Variants in CDC73 observed in about 807,000 individuals in gnomAD.
CDC73 encodes the protein cell division cycle 73, also known as parafibromin.
CDC73 carries 21 observed loss-of-function variants against 83.7 expected under a neutral mutation model. The ratio of observed to expected loss-of-function variants is 0.25; its 90% CI spans 0.18 to 0.36. CDC73 has a LOEUF of 0.36. Ranked by LOEUF, CDC73 falls within the 10% of genes least tolerant of loss-of-function variation. CDC73 has a pLI of 1.00. For missense variants in CDC73, 342 were observed against 653.3 expected (o/e 0.52, Z 5.19); for synonymous variants, 224 against 212.9 (o/e 1.05, Z -0.45).
intron 13 of CDC73, among the ~76,000 whole-genome samples, chr1:193,225,778 A>C (rs1677556890): frequency 6.6e-6 from 1 of 150,472 alleles, no homozygotes; most frequent in Admixed American, 6.6e-5. Context: ...TGCTAATTTG[A>C]GTTTGAGGTA....
At chr1:193,189,780 A>G (rs868049324) in intron 10 of CDC73, among the ~76,000 whole-genome samples, 4 of 152,332 alleles carry the variant, frequency 2.6e-5, no homozygotes, top group Non-Finnish European at 4.4e-5. Context: ...TTTTGTATTC[A>G]TGTAGTTAAT....
intron 11 of CDC73, among the ~76,000 whole-genome samples, chr1:193,204,245 A>ATGTG (rs1677144380): frequency 7.4e-6 from 1 of 135,540 alleles, no homozygotes; most frequent in African/African-American, 2.9e-5. Flanking sequence ...ACACGTATAT[A>ATGTG]TATGTGTATG....
intron 15 of CDC73, among the ~76,000 whole-genome samples, chr1:193,242,450 T>C (rs757330171): frequency 8.5e-5 from 13 of 152,210 alleles, no homozygotes; most frequent in Non-Finnish European, 1.6e-4. Context: ...TTCCTTGCCT[T>C]AGGTGTTTCT....
At chr1:193,235,483 ATGT>A (rs1184236684) in intron 14 of CDC73, among the ~76,000 whole-genome samples, 2 of 152,266 alleles carry the variant, frequency 1.3e-5, no homozygotes, top group South Asian at 2.1e-4. Context: ...ATTGCTGATA[ATGT>A]TGTTGTTTTG....
chr1:193,180,934 C>T, intron 10 of CDC73: 2 of 1,613,600 alleles, frequency 1.2e-6, no homozygotes, highest in Non-Finnish European at 1.7e-6. Context: ...ATGATATTGT[C>T]TGCTTTCTTC....
chr1:193,158,960 T>C (rs1159246505), intron 10 of CDC73, among the ~76,000 whole-genome samples: 2 of 152,186 alleles, frequency 1.3e-5, no homozygotes, highest in Non-Finnish European at 2.9e-5. Context: ...GTATACAGTT[T>C]TTTGTTAGAT....
chr1:193,140,590 C>T, intron 6 of CDC73, among the ~76,000 whole-genome samples: 1 of 152,128 alleles, frequency 6.6e-6, no homozygotes, highest in East Asian at 1.9e-4. Flanking sequence ...GCTACTTGAA[C>T]ATAAGTACTT....
chr1:193,250,612 T>G, intron 16 of CDC73, 64 bp from the exon 17 acceptor site: 1 of 1,132,442 alleles, frequency 8.8e-7, no homozygotes, highest in Admixed American at 1.8e-5. Flanking sequence ...TGTTTTTACA[T>G]GCATTATTCT....
At position 193,253,398 on chromosome 1, in the gene CDC73, G is replaced by GT. The variant is rs1048617160; in HGVS notation, c.*2691dup. ...TCCTTCTTTTCTGTATGTATGTGTGGTTTTTGATTTTTTGTTGTTGTTGTT... is the reference window on the plus strand; with the variant it reads ...TCCTTCTTTTCTGTATGTATGTGTGGTTTTTTGATTTTTTGTTGTTGTTGTT... On this transcript the variant is annotated 3_prime_UTR_variant, in exon 17 of 17. Transcript: ENST00000367435. 3.9e-5 allele frequency: 9 copies of GT among 232,230 alleles called. No homozygotes were observed. Among genetic ancestry groups the GT allele is most frequent in the Admixed American group, 2.8e-4 (5 of 17,728 alleles). 14.4% of individuals were successfully genotyped at this position (232,230 alleles called of 1,614,324 possible).
chr1:193,228,035 A>G lies in CDC73; in HGVS notation c.1155-4958A>G, dbSNP rs576097696. ...ATACATTTGACAGTTGACCTAGGGTAGCTGAATTGATAGTGCTGTAATATA... is the reference window on the plus strand; with the variant it reads ...ATACATTTGACAGTTGACCTAGGGTGGCTGAATTGATAGTGCTGTAATATA... On this transcript the variant is annotated intron_variant, in intron 13 of 16. Transcript: ENST00000367435. Among the ~76,000 whole-genome samples, 5 of 152,326 alleles carry G rather than the reference A, an allele frequency of 3.3e-5. 1 individual carries two copies. In the South Asian group the frequency reaches 8.3e-4, roughly 25 times the overall value.
chr1:193,183,620 G>A (rs1676756304), intron 10 of CDC73, among the ~76,000 whole-genome samples: 1 of 150,576 alleles, frequency 6.6e-6, no homozygotes, highest in Admixed American at 6.6e-5. Flanking sequence ...TTTAGACCAG[G>A]GAACTATTTT....
At chr1:193,166,364 G>A (rs1015480930) in intron 10 of CDC73, among the ~76,000 whole-genome samples, 1 of 152,038 alleles carries the variant, frequency 6.6e-6, no homozygotes, top group East Asian at 1.9e-4. Flanking sequence ...TGTGTTGCCC[G>A]GGCTGGTCTC....
At chr1:193,135,040 ATGTGTGTG>A (rs980861142) in intron 3 of CDC73, among the ~76,000 whole-genome samples, 5 of 73,530 alleles carry the variant, frequency 6.8e-5, no homozygotes, top group South Asian at 2.3e-3. Flanking sequence ...GTCCATATAT[ATGTGTGTG>A]TATGTGTGTG....
At chr1:193,226,005 C>A (rs1558317365) in intron 13 of CDC73, among the ~76,000 whole-genome samples, 1 of 152,098 alleles carries the variant, frequency 6.6e-6, no homozygotes, top group East Asian at 1.9e-4. Flanking sequence ...AGGGTTTTTC[C>A]TGTGTTATCT....
At chr1:193,195,822 A>G (rs1676993805) in intron 10 of CDC73, among the ~76,000 whole-genome samples, 1 of 152,152 alleles carries the variant, frequency 6.6e-6, no homozygotes, top group Admixed American at 6.5e-5. Context: ...TACCTATTCA[A>G]ATCCTTTGCC....
chr1:193,232,266 T>C (rs371404803), intron 13 of CDC73, among the ~76,000 whole-genome samples: 4 of 152,172 alleles, frequency 2.6e-5, no homozygotes, highest in East Asian at 3.8e-4. Flanking sequence ...ATGAAGCTCC[T>C]GGATAGGCTA....
At chr1:193,228,973 A>G (rs550348270) in intron 13 of CDC73, among the ~76,000 whole-genome samples, 8 of 152,178 alleles carry the variant, frequency 5.3e-5, no homozygotes, top group African/African-American at 1.7e-4. Flanking sequence ...ACTCCACAAA[A>G]CAAGGTATAC....
intron 6 of CDC73, 96 bp downstream of exon 6, chr1:193,138,269 C>T: frequency 1.2e-6 from 1 of 853,490 alleles, no homozygotes; most frequent in Non-Finnish European, 2.0e-6. Flanking sequence ...TTACATTTAC[C>T]TCTTGGATTC....
chr1:193,187,112 C>CCCCCCCCCT (rs1553285126), intron 10 of CDC73, among the ~76,000 whole-genome samples: 1 of 113,520 alleles, frequency 8.8e-6, no homozygotes, highest in Non-Finnish European at 2.0e-5. Flanking sequence ...TCCCCCCCCC[C>CCCCCCCCCT]GTTTTCTGGG....
Sources: gnomAD v4.1 joint callset for allele counts (sites outside exome capture counted in the v4.1 genomes callset) on GRCh38, gnomAD v4.1.1 for gene constraint, MANE v1.5 for transcripts, NCBI Gene and HGNC (gene_info 2026-07-23, HGNC 2026-07-21) for gene names.